BNIP1: variants seen among roughly 807,000 people sequenced by gnomAD.
The protein encoded by BNIP1 is BCL2 interacting protein 1, also known as vesicle transport protein SEC20.
A neutral mutation model predicts 28.5 loss-of-function variants in BNIP1; 25 were observed. That is an observed-to-expected ratio of 0.88 (90% CI 0.64 to 1.23). The LOEUF is 1.23. Ranked by LOEUF, BNIP1 falls within the 50% of genes most tolerant of loss-of-function variation. The pLI, the probability that BNIP1 is intolerant of heterozygous loss-of-function variation, is 0.00. For synonymous variants in BNIP1, 118 were observed against 101.7 expected (o/e 1.16, Z -0.96); for missense variants, 276 against 277.0 (o/e 1.00, Z 0.02).
chr5:173,147,062 A>C, intron 2 of BNIP1, 104 bp downstream of exon 2: 1 of 858,444 alleles, frequency 1.2e-6, no homozygotes, highest in Non-Finnish European at 1.9e-6. Context: ...GGAGCAGTAA[A>C]CACTTAGACA....
chr5:173,153,993 G>A (rs530733197), intron 2 of BNIP1, among the ~76,000 whole-genome samples: 5 of 152,246 alleles, frequency 3.3e-5, no homozygotes, highest in African/African-American at 7.2e-5. Flanking sequence ...CTTGTATTTC[G>A]TCATTGTTTT....
intron 4 of BNIP1, among the ~76,000 whole-genome samples, 158 bp downstream of exon 4, chr5:173,159,003 T>TA (rs1417756389): frequency 1.3e-5 from 2 of 152,208 alleles, no homozygotes; most frequent in Non-Finnish European, 2.9e-5. Context: ...AGTAAATTGG[T>TA]AAAATAAAGT....
Position 173,160,042 on chromosome 5 carries a change from C to T in BNIP1, c.481C>T (p.Gln161Ter), listed in dbSNP as rs761908319. 4 of 1,613,670 alleles carry T rather than the reference C, an allele frequency of 2.5e-6. No homozygotes were observed. Among genetic ancestry groups the T allele is most frequent in the East Asian group, 2.2e-5 (1 of 44,860 alleles). Residue 161 changes from glutamine (Q) to a stop codon, truncating the protein, a stop_gained, in exon 5 of 6, where the codon CAG (glutamine) becomes TAG (stop). Transcript: ENST00000351486. LOFTEE classifies it high-confidence loss of function. Reference protein sequence around the residue: ...QQVQQSEEAMQSLVTSSRTIL... With the variant: ...QQVQQSEEAM ...GGTCCAGCAGAGCGAGGAGGCCATG[C>T]AGTCTCTAGGTAAAGCTGGGCCTGG...
chr5:173,152,353 CTT>C (rs1331059776), intron 2 of BNIP1, among the ~76,000 whole-genome samples: 5 of 145,446 alleles, frequency 3.4e-5, no homozygotes, highest in Non-Finnish European at 3.0e-5. Flanking sequence ...AATTTACATT[CTT>C]TTTTTTTTTT....
Position 173,164,140 on chromosome 5 carries a change from G to A in BNIP1, c.*219G>A, listed in dbSNP as rs1295214795. On this transcript the variant is annotated 3_prime_UTR_variant, in exon 6 of 6. Coordinates refer to ENST00000351486, the MANE Select transcript of BNIP1 (RefSeq NM_001205.3). The surrounding 1 kb of genome is among the most constrained non-coding windows in gnomAD (Gnocchi z 4.0). ...GGTCTGGCATTGGGATGCCGCCCTG[G>A]GGACATACGAACCGCCTCCTTCCAC... 1 of 428,990 alleles carries A rather than the reference G, an allele frequency of 2.3e-6. No homozygotes were observed. Among genetic ancestry groups the A allele is most frequent in the East Asian group, 3.6e-5 (1 of 27,680 alleles). 26.6% of individuals were successfully genotyped at this position (428,990 alleles called of 1,614,324 possible).
chr5:173,147,879 A>T (rs1759885137), intron 2 of BNIP1, among the ~76,000 whole-genome samples: 1 of 151,042 alleles, frequency 6.6e-6, no homozygotes, highest in Non-Finnish European at 1.5e-5. Context: ...AGCCTGGCCA[A>T]CATGGCAAAA....
chr5:173,151,631 C>T, intron 2 of BNIP1: 1 of 1,613,522 alleles, frequency 6.2e-7, no homozygotes, highest in Non-Finnish European at 8.5e-7. Context: ...TAACTTATTC[C>T]CTGACAGACT....
intron 3 of BNIP1, among the ~76,000 whole-genome samples, chr5:173,158,526 G>A (rs907655399): frequency 2.0e-5 from 3 of 152,234 alleles, no homozygotes; most frequent in East Asian, 1.9e-4. Flanking sequence ...GAGCCTCCCC[G>A]TGGCGACCTC....
chr5:173,154,103 C>T (rs1412453792), intron 2 of BNIP1, among the ~76,000 whole-genome samples: 1 of 152,166 alleles, frequency 6.6e-6, no homozygotes, highest in Non-Finnish European at 1.5e-5. Context: ...CTCTTGTTCC[C>T]TTCCCACTTT....
At chr5:173,146,757 G>C in intron 1 of BNIP1, 109 bp from the exon 2 acceptor site, 1 of 695,850 alleles carries the variant, frequency 1.4e-6, no homozygotes, top group Non-Finnish European at 2.5e-6. Flanking sequence ...ATGAATTATA[G>C]TTAGTATGTT....
chr5:173,158,939 A>G, intron 4 of BNIP1, 94 bp downstream of exon 4: 2 of 783,692 alleles, frequency 2.6e-6, no homozygotes, highest in Non-Finnish European at 3.8e-6. Flanking sequence ...TTGGTGCTTA[A>G]TTTAATTACA....
chr5:173,159,971 C>A lies in BNIP1; in HGVS notation c.410C>A (p.Thr137Asn). 6.2e-7 allele frequency: 1 copy of A among 1,614,172 alleles called. No homozygotes were observed. The highest frequency in any genetic ancestry group is 8.5e-7 in the Non-Finnish European group (1 of 1,180,012). Residue 137 changes from threonine to asparagine, a missense_variant, in exon 5 of 6, where the codon ACC becomes AAC. By Grantham distance (65) the Thr-to-Asn change is moderately conservative. Coordinates refer to ENST00000351486, the MANE Select transcript of BNIP1 (RefSeq NM_001205.3). The stretch of plus-strand genomic sequence containing the variant: ...GAGAGCCTGGCCCAGACATCCAGTA[C>A]CATCACTGAGAGCCTCATGGGGATC... ...TKESLAQTSS[T>N]ITESLMGISR...
intron 3 of BNIP1, among the ~76,000 whole-genome samples, chr5:173,157,750 C>T (rs1393490543): frequency 6.6e-6 from 1 of 152,066 alleles, no homozygotes; most frequent in Non-Finnish European, 1.5e-5. Flanking sequence ...AGCTGTTCAC[C>T]AACTTTCCGT....
At chr5:173,152,598 C>T (rs1760055418) in intron 2 of BNIP1, among the ~76,000 whole-genome samples, 2 of 152,122 alleles carry the variant, frequency 1.3e-5, no homozygotes, top group Non-Finnish European at 2.9e-5. Flanking sequence ...ATCTGCCTGC[C>T]CTGGCCTCCC....
At chr5:173,163,374 G>GC (rs1183142328) in intron 5 of BNIP1, among the ~76,000 whole-genome samples, 3 of 152,240 alleles carry the variant, frequency 2.0e-5, no homozygotes, top group Admixed American at 6.5e-5. Flanking sequence ...CACAGTGCCT[G>GC]CCCACGATCC....
At chr5:173,154,301 T>G in intron 2 of BNIP1, 21 bp from the exon 3 acceptor site, 1 of 1,601,544 alleles carries the variant, frequency 6.2e-7, no homozygotes, top group South Asian at 1.1e-5. Context: ...CATTTTAACA[T>G]GGAATTATTT....
intron 5 of BNIP1, chr5:173,161,993 T>C (rs1369083915): frequency 1.3e-5 from 2 of 152,352 alleles, no homozygotes; most frequent in East Asian, 3.9e-4. Flanking sequence ...TTTCTCCTTT[T>C]ATCTGTCATT....
intron 3 of BNIP1, among the ~76,000 whole-genome samples, chr5:173,156,762 C>T (rs1354967630): frequency 2.6e-5 from 4 of 151,570 alleles, no homozygotes; most frequent in Non-Finnish European, 4.4e-5. Context: ...ATTCTCCTGC[C>T]TCAGCCTCTC....
intron 3 of BNIP1, 139 bp downstream of exon 3, chr5:173,154,552 T>A: frequency 1.5e-6 from 1 of 655,140 alleles, no homozygotes; most frequent in Non-Finnish European, 2.6e-6. Context: ...AGACGGTGTC[T>A]CGCTCTATTG....
Sources: allele counts gnomAD v4.1 joint callset (sites outside exome capture counted in the v4.1 genomes callset), GRCh38; gene constraint gnomAD v4.1.1; non-coding constraint Gnocchi (gnomAD v3.1); transcripts MANE v1.5; gene names NCBI Gene and HGNC (gene_info 2026-07-23, HGNC 2026-07-21).